ESRRG: variants seen among roughly 807,000 people sequenced by gnomAD.
The protein encoded by ESRRG is estrogen-related receptor gamma.
In ESRRG, 13 loss-of-function variants were observed where a neutral mutation model predicts 44.0. That is an observed-to-expected ratio of 0.30 (90% CI 0.19 to 0.47). ESRRG has a LOEUF of 0.47. Among genes scored for constraint, ESRRG ranks in the 20% least tolerant of loss-of-function variants. The probability of loss-of-function intolerance (pLI) is 1.00; values close to 1 mark genes in which losing one functional copy is unlikely to be tolerated. For missense variants in ESRRG, 395 were observed against 580.6 expected, an observed-to-expected ratio of 0.68 and a Z score of 3.29; for synonymous variants, 215 against 214.6, an observed-to-expected ratio of 1.00 and a Z score of -0.02.
intron 5 of ESRRG, among the ~76,000 whole-genome samples, chr1:216,542,476 T>C (rs932243417): frequency 2.6e-5 from 4 of 152,008 alleles, no homozygotes; most frequent in Non-Finnish European, 4.4e-5. Context: ...CACATATCCC[T>C]GGAATTTCCT....
chr1:217,135,113 C>T (rs781128647), intron 1 of ESRRG, among the ~76,000 whole-genome samples: 16 of 152,214 alleles, frequency 1.1e-4, no homozygotes, highest in Non-Finnish European at 1.9e-4. Context: ...GCTTCCTGGG[C>T]ACTGCGTCCT....
intron 2 of ESRRG, among the ~76,000 whole-genome samples, chr1:216,930,568 GT>G (rs986047183): frequency 6.6e-6 from 1 of 152,128 alleles, no homozygotes; most frequent in Admixed American, 6.5e-5. Context: ...AGACTTCACT[GT>G]GTTAAAGACC....
At chr1:217,009,773 T>C (rs1277030044) in intron 1 of ESRRG, among the ~76,000 whole-genome samples, 3 of 150,420 alleles carry the variant, frequency 2.0e-5, no homozygotes, top group African/African-American at 7.3e-5. Context: ...TGGCACAGTC[T>C]TGGCTCACTG....
intron 5 of ESRRG, among the ~76,000 whole-genome samples, chr1:216,558,721 G>A (rs2058086604): frequency 6.6e-6 from 1 of 151,972 alleles, no homozygotes; most frequent in Non-Finnish European, 1.5e-5. Context: ...ATTACTCAAT[G>A]ACAGCTCAAG....
chr1:216,859,280 G>T (rs963254497), intron 2 of ESRRG, among the ~76,000 whole-genome samples: 2 of 152,174 alleles, frequency 1.3e-5, no homozygotes, highest in African/African-American at 4.8e-5. Flanking sequence ...TAAGACCTAT[G>T]ATCATCTCAG....
chr1:216,651,141 A>AT, intron 2 of ESRRG, 52 bp from the exon 3 acceptor site: 1 of 1,173,164 alleles, frequency 8.5e-7, no homozygotes, highest in East Asian at 2.3e-5. Flanking sequence ...TCCAGGAAAC[A>AT]TTAGCTTCCC....
chr1:216,798,139 T>G lies in ESRRG; in HGVS notation c.-13-120648A>C, dbSNP rs1233306867. Among the ~76,000 whole-genome samples, 3 of 152,134 alleles carry G rather than the reference T, an allele frequency of 2.0e-5. No individual in the cohort carries two copies. In the East Asian group the frequency reaches 5.8e-4, roughly 29 times the overall value. ...GAGCTTCCATCTTTCCTTCTTTCTT[T>G]TTTCTTTTCTTTTCTTTTTCTCTTT... On this transcript the variant is annotated intron_variant, in intron 2 of 7. Transcript: ENST00000359162.
At chr1:216,581,803 C>T (rs2062821438) in intron 3 of ESRRG, among the ~76,000 whole-genome samples, 2 of 152,282 alleles carry the variant, frequency 1.3e-5, no homozygotes, top group East Asian at 3.9e-4. Context: ...ATCAGAGTTT[C>T]CACTCCGAAA....
At chr1:216,879,120 G>A (rs1301326037) in intron 2 of ESRRG, among the ~76,000 whole-genome samples, 1 of 152,180 alleles carries the variant, frequency 6.6e-6, no homozygotes, top group African/African-American at 2.4e-5. Context: ...GCAAATAGGT[G>A]AACATATAGC....
chr1:216,665,502 G>C (rs1361978398), intron 2 of ESRRG, among the ~76,000 whole-genome samples: 1 of 152,150 alleles, frequency 6.6e-6, no homozygotes, highest in Non-Finnish European at 1.5e-5. Flanking sequence ...CAAACTCATA[G>C]AAACAGAAAG....
intron 1 of ESRRG, among the ~76,000 whole-genome samples, chr1:216,974,082 T>C (rs1012341935): frequency 2.6e-5 from 4 of 152,188 alleles, no homozygotes; most frequent in African/African-American, 9.7e-5. Context: ...ATTATTATCA[T>C]AGTAGAATCA....
At chr1:216,579,085 C>T (rs1227067592) in intron 3 of ESRRG, among the ~76,000 whole-genome samples, 1 of 152,086 alleles carries the variant, frequency 6.6e-6, no homozygotes, top group Non-Finnish European at 1.5e-5. Flanking sequence ...GTTTCCTGTT[C>T]AATTTATTTC....
At chr1:217,133,609 C>CTTTT (rs1441691803) in intron 1 of ESRRG, among the ~76,000 whole-genome samples, 1 of 15,548 alleles carries the variant, frequency 6.4e-5, no homozygotes, top group Non-Finnish European at 1.7e-4. Context: ...TTCCTTTTTT[C>CTTTT]TTTCTTTCTT....
intron 2 of ESRRG, among the ~76,000 whole-genome samples, chr1:216,840,999 G>A (rs1197367051): frequency 3.3e-5 from 5 of 152,040 alleles, no homozygotes; most frequent in African/African-American, 7.3e-5. Flanking sequence ...ACAGGCTGTT[G>A]GAAAAATGGC....
chr1:216,782,866 G>A (rs1188596969), intron 2 of ESRRG, among the ~76,000 whole-genome samples: 1 of 151,982 alleles, frequency 6.6e-6, no homozygotes, highest in Non-Finnish European at 1.5e-5. Flanking sequence ...ATGTGTGGCT[G>A]AAAATAAAAA....
chr1:216,791,070 A>C (rs1442768970), intron 2 of ESRRG, among the ~76,000 whole-genome samples: 2 of 152,200 alleles, frequency 1.3e-5, no homozygotes, highest in Non-Finnish European at 2.9e-5. Context: ...AAGTGTAAGC[A>C]GTGAACTCTG....
At chr1:216,815,832 C>T (rs1346457513) in intron 2 of ESRRG, among the ~76,000 whole-genome samples, 1 of 152,166 alleles carries the variant, frequency 6.6e-6, no homozygotes, top group African/African-American at 2.4e-5. Context: ...TTCCCCGCCC[C>T]CAGCTCTTAA....
chr1:216,965,160 C>CTTTT (rs34094121), intron 1 of ESRRG, among the ~76,000 whole-genome samples: 1 of 147,844 alleles, frequency 6.8e-6, no homozygotes, highest in Non-Finnish European at 1.5e-5. Flanking sequence ...ACACATATGC[C>CTTTT]TTTTTTTTTT....
chr1:217,074,389 T>C (rs755927734), intron 1 of ESRRG, among the ~76,000 whole-genome samples: 16 of 145,056 alleles, frequency 1.1e-4, no homozygotes, highest in Non-Finnish European at 1.9e-4. Context: ...ACCCTACCAA[T>C]AGAATTACAC....
Sources: allele counts gnomAD v4.1 joint callset (sites outside exome capture counted in the v4.1 genomes callset), GRCh38; gene constraint gnomAD v4.1.1; transcripts MANE v1.5; gene names NCBI Gene and HGNC (gene_info 2026-07-23, HGNC 2026-07-21).